IL1RAPL2: variants seen among roughly 807,000 people sequenced by gnomAD.
IL1RAPL2 encodes the protein interleukin 1 receptor accessory protein like 2, also known as X-linked interleukin-1 receptor accessory protein-like 2.
Under a neutral mutation model 44.1 loss-of-function variants are expected in IL1RAPL2, and 3 were observed. The observed-to-expected ratio is 0.07, with a 90% confidence interval of 0.03 to 0.18. The LOEUF (loss-of-function observed/expected upper bound fraction) is 0.18. IL1RAPL2 is among the 10% of genes least tolerant of loss of function. The pLI is 1.00. For synonymous variants in IL1RAPL2, 181 were observed against 178.8 expected (o/e 1.01, Z -0.10); for missense variants, 391 against 496.4 (o/e 0.79, Z 2.02).
At chrX:105,311,294 A>G (rs776507829) in intron 5 of IL1RAPL2, among the ~76,000 whole-genome samples, 2 of 110,370 alleles carry the variant, frequency 1.8e-5, no homozygotes, top group South Asian at 7.6e-4. Flanking sequence ...CAATATATAT[A>G]TGATATGCTT....
chrX:105,110,529 G>A (rs759034959), intron 2 of IL1RAPL2, among the ~76,000 whole-genome samples: 3 of 112,127 alleles, frequency 2.7e-5, no homozygotes, highest in South Asian at 7.4e-4. Flanking sequence ...AGACATTACT[G>A]GCTCAAATGA....
At position 105,161,218 on chromosome X, in the gene IL1RAPL2, A is replaced by AAATAATAATAATAAT. The variant is rs34426902; in HGVS notation, c.83-34244_83-34230dup. 8.3e-3 allele frequency among the ~76,000 whole-genome samples: 840 copies of AAATAATAATAATAAT among 101,011 alleles called. 10 individuals are homozygous for AAATAATAATAATAAT. The highest frequency in any genetic ancestry group is 0.028 in the African/African-American group (796 of 27,974). The allele number at this position is 101,011 out of a possible 115,157, so 87.7% of individuals were successfully genotyped here. A position where few individuals can be genotyped will look rare whatever the true frequency, so the allele number is the denominator to read the frequency against. ...GGGCAACAGAATGAGACCCTGTCTC[A>AAATAATAATAATAAT]AATAATAATAATAATAATAATAATA... On this transcript the variant is annotated intron_variant, in intron 2 of 10. Transcript: ENST00000372582.
intron 2 of IL1RAPL2, among the ~76,000 whole-genome samples, chrX:105,063,925 T>C (rs2032105336): frequency 8.9e-6 from 1 of 112,099 alleles, no homozygotes; most frequent in South Asian, 3.7e-4. Context: ...CTGAGCCACC[T>C]GGAGGTGGGG....
chrX:104,717,817 C>T (rs1931602920), intron 2 of IL1RAPL2, among the ~76,000 whole-genome samples: 1 of 107,901 alleles, frequency 9.3e-6, no homozygotes, highest in African/African-American at 3.4e-5. Context: ...CATGTGTTCT[C>T]ATTGTTCAAT....
chrX:105,273,613 C>T (rs1448323466), intron 5 of IL1RAPL2, among the ~76,000 whole-genome samples: 1 of 111,650 alleles, frequency 9.0e-6, no homozygotes, highest in Non-Finnish European at 1.9e-5. Flanking sequence ...TGCTGGTTTT[C>T]CCCACTCAGC....
At chrX:105,030,036 G>T (rs1405791235) in intron 2 of IL1RAPL2, among the ~76,000 whole-genome samples, 21 of 111,506 alleles carry the variant, frequency 1.9e-4, no homozygotes, top group Non-Finnish European at 3.6e-4. Flanking sequence ...GTTTTTTGGG[G>T]GCATAAATGT....
intron 1 of IL1RAPL2, among the ~76,000 whole-genome samples, chrX:104,597,124 G>A (rs1392844662): frequency 1.8e-5 from 2 of 110,728 alleles, no homozygotes; most frequent in East Asian, 5.7e-4. Flanking sequence ...CAGGTGGATT[G>A]CCTGAGTTCA....
intron 5 of IL1RAPL2, among the ~76,000 whole-genome samples, chrX:105,304,001 G>A (rs1274486444): frequency 8.9e-6 from 1 of 112,831 alleles, no homozygotes; most frequent in Non-Finnish European, 1.9e-5. Flanking sequence ...TGCCCTGCCA[G>A]CAAGTGAGGC....
intron 6 of IL1RAPL2, among the ~76,000 whole-genome samples, chrX:105,616,615 T>C (rs1322406063): frequency 1.8e-5 from 2 of 111,328 alleles, no homozygotes; most frequent in African/African-American, 6.5e-5. Context: ...TTTTTTCCCA[T>C]TTTTATTGGG....
chrX:105,683,519 T>G (rs778568275), intron 6 of IL1RAPL2, among the ~76,000 whole-genome samples: 1 of 101,095 alleles, frequency 9.9e-6, no homozygotes, highest in Non-Finnish European at 2.0e-5. Flanking sequence ...AGTTTCAATT[T>G]CCAATATAGT....
intron 2 of IL1RAPL2, among the ~76,000 whole-genome samples, chrX:105,118,971 G>A (rs907950948): frequency 9.0e-6 from 1 of 111,675 alleles, no homozygotes; most frequent in African/African-American, 3.3e-5. Flanking sequence ...GGTTAGCCGT[G>A]CCAGTGTCTT....
At chrX:104,813,580 G>C (rs973472266) in intron 2 of IL1RAPL2, among the ~76,000 whole-genome samples, 1 of 111,380 alleles carries the variant, frequency 9.0e-6, no homozygotes, top group African/African-American at 3.3e-5. Context: ...CGAGTTTTTT[G>C]TGCCACAGAG....
intron 6 of IL1RAPL2, among the ~76,000 whole-genome samples, chrX:105,589,638 T>C (rs1409187920): frequency 9.0e-6 from 1 of 110,834 alleles, no homozygotes; most frequent in Non-Finnish European, 1.9e-5. Context: ...AATAGGGAGT[T>C]TTTCCCTATT....
chrX:104,596,872 G>A (rs1166520125), intron 1 of IL1RAPL2, among the ~76,000 whole-genome samples: 1 of 111,405 alleles, frequency 9.0e-6, no homozygotes, highest in African/African-American at 3.3e-5. Context: ...ACAGAAGGAA[G>A]TTCAAAGTAG....
At chrX:105,553,429 A>G (rs2036873320) in intron 6 of IL1RAPL2, among the ~76,000 whole-genome samples, 1 of 111,843 alleles carries the variant, frequency 8.9e-6, no homozygotes, top group African/African-American at 3.2e-5. Context: ...TTAACTCTAC[A>G]AGTACAAATG....
chrX:105,461,515 A>G (rs2036092645), intron 5 of IL1RAPL2, among the ~76,000 whole-genome samples: 1 of 111,211 alleles, frequency 9.0e-6, no homozygotes, highest in Admixed American at 9.6e-5. Flanking sequence ...CCTAAAAAAA[A>G]TCTGAACACA....
At chrX:105,449,079 A>G (rs965127209) in intron 5 of IL1RAPL2, among the ~76,000 whole-genome samples, 1 of 111,090 alleles carries the variant, frequency 9.0e-6, no homozygotes, top group Non-Finnish European at 1.9e-5. Context: ...TGGTGAGGTC[A>G]TGTTTTCCTG....
At chrX:105,204,614 A>C (rs1248131895) in intron 3 of IL1RAPL2, among the ~76,000 whole-genome samples, 1 of 112,336 alleles carries the variant, frequency 8.9e-6, no homozygotes, top group Non-Finnish European at 1.9e-5. Context: ...AGAGTTACTG[A>C]ACTAGCTAGG....
Position 105,640,838 on chromosome X carries a change from A to G in IL1RAPL2, c.773-76529A>G, listed in dbSNP as rs908165363. On this transcript the variant is annotated intron_variant, in intron 6 of 10. Transcript: ENST00000372582. The stretch of plus-strand genomic sequence containing the variant: ...GAGAGAGTGCCAAACAGGTTTGCCC[A>G]TTTGTGGGTTTTCCTCTCCTCCAGT... Among the ~76,000 whole-genome samples the G allele has an allele frequency of 5.7e-5, 6 of 105,990 alleles. No individual in the cohort carries two copies. The Admixed American group carries it at 6.3e-4, about 11-fold the overall frequency. The allele number at this position is 105,990 out of a possible 115,157, so 92.0% of individuals were successfully genotyped here. A position where few individuals can be genotyped will look rare whatever the true frequency, so the allele number is the denominator to read the frequency against.
Sources: allele counts gnomAD v4.1 joint callset (sites outside exome capture counted in the v4.1 genomes callset), GRCh38; gene constraint gnomAD v4.1.1; transcripts MANE v1.5; gene names NCBI Gene and HGNC (gene_info 2026-07-23, HGNC 2026-07-21).